The following ELOVL6 variants were observed in gnomAD, a reference collection of about 807,000 sequenced individuals.
ELOVL6 encodes the protein very long chain fatty acid elongase 6.
ELOVL6 carries 8 observed loss-of-function variants against 31.7 expected under a neutral mutation model. The ratio of observed to expected loss-of-function variants is 0.25; its 90% CI spans 0.15 to 0.45. The LOEUF (loss-of-function observed/expected upper bound fraction) is 0.45. Among genes scored for constraint, ELOVL6 ranks in the 20% least tolerant of loss-of-function variants. The pLI, the probability that ELOVL6 is intolerant of heterozygous loss-of-function variation, is 1.00. For missense variants in ELOVL6, 126 were observed against 326.4 expected (o/e 0.39, Z 4.73); for synonymous variants, 101 against 117.7 (o/e 0.86, Z 0.92).
At chr4:110,094,279 T>G (rs1483233651) in intron 2 of ELOVL6, among the ~76,000 whole-genome samples, 1 of 148,876 alleles carries the variant, frequency 6.7e-6, no homozygotes, top group East Asian at 2.0e-4. Flanking sequence ...ATGGGCCAGA[T>G]GCAGTGGCTC....
chr4:110,194,080 A>T (rs1490354977), intron 1 of ELOVL6, among the ~76,000 whole-genome samples: 1 of 152,224 alleles, frequency 6.6e-6, no homozygotes, highest in African/African-American at 2.4e-5. Context: ...AAGAGAAGGC[A>T]GAGAGAGCCC....
At chr4:110,058,167 A>G (rs1387244541) in intron 3 of ELOVL6, among the ~76,000 whole-genome samples, 6 of 152,192 alleles carry the variant, frequency 3.9e-5, no homozygotes, top group Non-Finnish European at 8.8e-5. Context: ...TTGCCATTCT[A>G]TTTCAGCCAG....
chr4:110,083,989 A>T lies in ELOVL6; in HGVS notation c.221+21508T>A, dbSNP rs1440796748. ...TATGATATAACATATGCCATATACG[A>T]TATATAACATATGCCATATATGGTA... On this transcript the variant is annotated intron_variant, in intron 2 of 3. Coordinates refer to ENST00000302274, the MANE Select transcript of ELOVL6 (RefSeq NM_024090.3). Among the ~76,000 whole-genome samples, 11 of 84,938 alleles carry T rather than the reference A, an allele frequency of 1.3e-4. 1 individual carries two copies. Among genetic ancestry groups the T allele is most frequent in the Non-Finnish European group, 2.4e-4 (11 of 45,018 alleles). 55.7% of individuals were successfully genotyped at this position (84,938 alleles called of 152,430 possible).
chr4:110,136,768 A>G (rs1757824749), intron 1 of ELOVL6, among the ~76,000 whole-genome samples: 1 of 152,204 alleles, frequency 6.6e-6, no homozygotes, highest in African/African-American at 2.4e-5. Context: ...TTTCAGGCAA[A>G]ACTAACAAAA....
At chr4:110,163,847 G>T (rs974307375) in intron 1 of ELOVL6, among the ~76,000 whole-genome samples, 1 of 152,232 alleles carries the variant, frequency 6.6e-6, no homozygotes, top group African/African-American at 2.4e-5. Flanking sequence ...AGAACTAACT[G>T]TAAGATCGAA....
chr4:110,156,600 C>T (rs923441183), intron 1 of ELOVL6, among the ~76,000 whole-genome samples: 1 of 152,154 alleles, frequency 6.6e-6, no homozygotes, highest in Non-Finnish European at 1.5e-5. Flanking sequence ...GTGGGAGGAT[C>T]ACTTGAGCCC....
In ELOVL6 at chr4:110,188,780, T is replaced by G. The variant is rs1424124881; in HGVS notation, c.89+9467A>C. Among the ~76,000 whole-genome samples the G allele has an allele frequency of 2.0e-5, 3 of 151,146 alleles. No individual in the cohort carries two copies. The East Asian group carries it at 5.8e-4, about 29-fold the overall frequency. ...GGTGGCGTATGCCTGTAATCCCAGCTACTCAAGAGGCTGAGGCGGAGAGTT... is the reference window on the plus strand; with the variant it reads ...GGTGGCGTATGCCTGTAATCCCAGCGACTCAAGAGGCTGAGGCGGAGAGTT... On this transcript the variant is annotated intron_variant, in intron 1 of 3. Coordinates refer to ENST00000302274, the MANE Select transcript of ELOVL6 (RefSeq NM_024090.3).
chr4:110,082,866 T>C (rs927946387), intron 2 of ELOVL6, among the ~76,000 whole-genome samples: 5 of 152,220 alleles, frequency 3.3e-5, no homozygotes, highest in Admixed American at 2.6e-4. Flanking sequence ...TTAGAGAATA[T>C]GGACTCAACA....
intron 1 of ELOVL6, among the ~76,000 whole-genome samples, chr4:110,133,275 G>A (rs1757721283): frequency 6.6e-6 from 1 of 152,058 alleles, no homozygotes; most frequent in African/African-American, 2.4e-5. Context: ...ACACAATCAG[G>A]GCCTAATGAG....
chr4:110,113,149 A>G (rs1578489833), intron 1 of ELOVL6, among the ~76,000 whole-genome samples: 1 of 150,566 alleles, frequency 6.6e-6, no homozygotes, highest in Non-Finnish European at 1.5e-5. Flanking sequence ...AATGGCGTGA[A>G]CCTGGGAGGC....
At chr4:110,185,438 C>T (rs1578287669) in intron 1 of ELOVL6, among the ~76,000 whole-genome samples, 1 of 152,278 alleles carries the variant, frequency 6.6e-6, no homozygotes, top group East Asian at 1.9e-4. Context: ...GTCTCTAGTA[C>T]AGACTTACTG....
At chr4:110,061,596 A>T (rs2126223112) in intron 2 of ELOVL6, among the ~76,000 whole-genome samples, 1 of 122,206 alleles carries the variant, frequency 8.2e-6, no homozygotes, top group East Asian at 2.3e-4. Flanking sequence ...TCGCTCTCTC[A>T]GCCAGGCTGG....
intron 2 of ELOVL6, among the ~76,000 whole-genome samples, chr4:110,065,623 C>G (rs1755278624): frequency 6.6e-6 from 1 of 152,120 alleles, no homozygotes; most frequent in African/African-American, 2.4e-5. Flanking sequence ...GACCCTTTCT[C>G]AAAACGACAA....
chr4:110,103,534 C>T (rs1578482810), intron 2 of ELOVL6, among the ~76,000 whole-genome samples: 1 of 151,928 alleles, frequency 6.6e-6, no homozygotes, highest in Admixed American at 6.6e-5. Flanking sequence ...ACTGTATATA[C>T]TTCAAGATAA....
chr4:110,051,828 TG>T lies in ELOVL6; in HGVS notation c.374-67del. On this transcript the variant is annotated intron_variant, in intron 3 of 3. Coordinates refer to ENST00000302274, the MANE Select transcript of ELOVL6 (RefSeq NM_024090.3). This position sits in a 1 kb window ranked among gnomAD's most constrained non-coding sequence, Gnocchi z 4.8. ...CACCAGTAACGATGACTTACAGTTT[TG>T]TAAGAGGGTAGACATCCTGAGCTAG... 1.5e-6 allele frequency: 2 copies of T among 1,374,824 alleles called. No individual in the cohort carries two copies. Among genetic ancestry groups the T allele is most frequent in the Non-Finnish European group, 2.0e-6 (2 of 993,854 alleles). 85.2% of individuals were successfully genotyped at this position (1,374,824 alleles called of 1,614,324 possible). A position where few individuals can be genotyped will look rare whatever the true frequency, so the allele number is the denominator to read the frequency against.
At chr4:110,084,553 C>CAGATATATATTTATATATAT (rs1560815725) in intron 2 of ELOVL6, among the ~76,000 whole-genome samples, 1 of 57,936 alleles carries the variant, frequency 1.7e-5, no homozygotes, top group Non-Finnish European at 2.9e-5. Context: ...CACACACACA[C>CAGATATATATTTATATATAT]ACACACACAG....
At chr4:110,148,109 CAA>C (rs1157605540) in intron 1 of ELOVL6, among the ~76,000 whole-genome samples, 14 of 54,958 alleles carry the variant, frequency 2.5e-4, no homozygotes, top group Non-Finnish European at 3.7e-4. Flanking sequence ...AACTCGGTCT[CAA>C]AAAAAAAAAA....
At chr4:110,081,591 T>G in intron 2 of ELOVL6, among the ~76,000 whole-genome samples, 1 of 151,048 alleles carries the variant, frequency 6.6e-6, no homozygotes, top group Non-Finnish European at 1.5e-5. Flanking sequence ...CAAAAATTAA[T>G]TCAAGATGGA....
intron 1 of ELOVL6, among the ~76,000 whole-genome samples, chr4:110,154,244 T>A (rs1446439602): frequency 6.6e-6 from 1 of 152,120 alleles, no homozygotes; most frequent in African/African-American, 2.4e-5. Context: ...ACCCAGCTAA[T>A]ATTTTATTTT....
Sources: allele counts gnomAD v4.1 joint callset (sites outside exome capture counted in the v4.1 genomes callset), GRCh38; gene constraint gnomAD v4.1.1; non-coding constraint Gnocchi (gnomAD v3.1); transcripts MANE v1.5; gene names NCBI Gene and HGNC (gene_info 2026-07-23, HGNC 2026-07-21).